NKAIN2: variants seen among roughly 807,000 people sequenced by gnomAD.
NKAIN2 encodes sodium/potassium transporting ATPase interacting 2.
NKAIN2 carries 14 observed loss-of-function variants against 32.6 expected under a neutral mutation model. The ratio of observed to expected loss-of-function variants is 0.43; its 90% CI spans 0.28 to 0.67. The LOEUF is 0.67. NKAIN2 is among the 30% of genes least tolerant of loss of function. The pLI, the probability that NKAIN2 is intolerant of heterozygous loss-of-function variation, is 0.17. For synonymous variants in NKAIN2, 80 were observed against 87.2 expected (o/e 0.92, Z 0.46); for missense variants, 198 against 258.3 (o/e 0.77, Z 1.60).
intron 1 of NKAIN2, among the ~76,000 whole-genome samples, chr6:124,036,418 G>T (rs530065148): frequency 2.2e-4 from 33 of 152,142 alleles, no homozygotes; most frequent in African/African-American, 7.7e-4. Flanking sequence ...CATTTCCATT[G>T]TAATTTCCTT....
rs777642797 is a variant in NKAIN2 at position 123,901,917 on chromosome 6, TA to T, written c.54+97672del. Among the ~76,000 whole-genome samples the T allele has an allele frequency of 1.4e-3, 210 of 151,238 alleles. No homozygotes were observed. The East Asian group carries it at 0.02, about 14-fold the overall frequency. On this transcript the variant is annotated intron_variant, in intron 1 of 6. Transcript: ENST00000368417. ...ACATGAAGACTTTAAAATGAAGACT[TA>T]AAAAAAAATGAGGCTGATACTTATT...
intron 1 of NKAIN2, among the ~76,000 whole-genome samples, chr6:123,827,503 C>T (rs952354907): frequency 4.5e-4 from 69 of 152,238 alleles, no homozygotes; most frequent in African/African-American, 1.6e-3. Flanking sequence ...AATTCAGCAT[C>T]AGCCAGTAAG....
chr6:124,729,168 A>G (rs1776511799), intron 4 of NKAIN2, among the ~76,000 whole-genome samples: 1 of 152,196 alleles, frequency 6.6e-6, no homozygotes, highest in Admixed American at 6.5e-5. Context: ...AAACTATTCC[A>G]ATCAATAGAA....
rs558784802 is a variant in NKAIN2, at chr6:123,863,323, C to T, written c.54+59069C>T. Among the ~76,000 whole-genome samples, 9 of 152,274 alleles carry T rather than the reference C, an allele frequency of 5.9e-5. No homozygotes were observed. In the East Asian group the frequency reaches 1.5e-3, roughly 26 times the overall value. On this transcript the variant is annotated intron_variant, in intron 1 of 6. Coordinates refer to ENST00000368417, the MANE Select transcript of NKAIN2 (RefSeq NM_001040214.3). ...TAATTAGGTTTATAGATAACTGTAA[C>T]AATTAATAACTTAATCTGGACTTCA... is the stretch of plus-strand genomic sequence containing the variant.
chr6:124,550,346 T>G (rs1780242825), intron 3 of NKAIN2, among the ~76,000 whole-genome samples: 1 of 152,178 alleles, frequency 6.6e-6, no homozygotes, highest in Non-Finnish European at 1.5e-5. Flanking sequence ...TTCATATGCC[T>G]TCTTTTAATT....
At chr6:123,855,262 C>T (rs1775512440) in intron 1 of NKAIN2, among the ~76,000 whole-genome samples, 1 of 152,000 alleles carries the variant, frequency 6.6e-6, no homozygotes, top group South Asian at 2.1e-4. Context: ...ATATTATTAT[C>T]CTTCTGTTGC....
chr6:124,732,190 C>T (rs1776715263), intron 4 of NKAIN2, among the ~76,000 whole-genome samples: 2 of 152,056 alleles, frequency 1.3e-5, no homozygotes, highest in Non-Finnish European at 2.9e-5. Context: ...TCCATCTTCT[C>T]CAGCCCTTCC....
At chr6:124,720,757 A>G (rs1171557601) in intron 4 of NKAIN2, among the ~76,000 whole-genome samples, 2 of 152,154 alleles carry the variant, frequency 1.3e-5, no homozygotes, top group African/African-American at 4.8e-5. Context: ...CAGAGCCCAG[A>G]GGATCCCAGG....
chr6:124,120,220 A>G (rs1356697639), intron 1 of NKAIN2, among the ~76,000 whole-genome samples: 2 of 152,198 alleles, frequency 1.3e-5, no homozygotes, highest in East Asian at 3.8e-4. Context: ...CCTATATGTC[A>G]TGACCACTTA....
rs114933550 is a variant in NKAIN2, at chr6:123,970,493, A to G, written c.54+166239A>G. Among the ~76,000 whole-genome samples the G allele has an allele frequency of 4.9e-3, 753 of 152,256 alleles. 6 individuals are homozygous for G. The highest frequency in any genetic ancestry group is 0.017 in the African/African-American group (700 of 41,548). ...GAAGAAGCCCCAGAATCAGCCTTTGACTTTGGTTCTGAACTTACTCACTTT... is the reference window on the plus strand; with the variant it reads ...GAAGAAGCCCCAGAATCAGCCTTTGGCTTTGGTTCTGAACTTACTCACTTT... On this transcript the variant is annotated intron_variant, in intron 1 of 6. Transcript: ENST00000368417.
intron 1 of NKAIN2, among the ~76,000 whole-genome samples, chr6:124,020,195 G>T (rs901397866): frequency 7.9e-5 from 12 of 151,964 alleles, no homozygotes; most frequent in Admixed American, 5.3e-4. Flanking sequence ...CTTGTTCTTT[G>T]TATTTCCAAA....
At chr6:124,589,701 T>G (rs944246471) in intron 3 of NKAIN2, among the ~76,000 whole-genome samples, 1 of 152,230 alleles carries the variant, frequency 6.6e-6, no homozygotes, top group Non-Finnish European at 1.5e-5. Context: ...GGGATACATG[T>G]GCAGAATGTG....
intron 1 of NKAIN2, among the ~76,000 whole-genome samples, chr6:123,888,306 C>A (rs1773826859): frequency 6.6e-6 from 1 of 152,090 alleles, no homozygotes; most frequent in Non-Finnish European, 1.5e-5. Flanking sequence ...TTAACATCTT[C>A]AGCTCTTACA....
chr6:124,012,256 T>G (rs1179066354), intron 1 of NKAIN2, among the ~76,000 whole-genome samples: 1 of 151,928 alleles, frequency 6.6e-6, no homozygotes, highest in African/African-American at 2.4e-5. Flanking sequence ...CTTCTACCAC[T>G]ATAGATTGAT....
chr6:124,569,773 C>G (rs1239537686), intron 3 of NKAIN2, among the ~76,000 whole-genome samples: 1 of 151,920 alleles, frequency 6.6e-6, no homozygotes, highest in Non-Finnish European at 1.5e-5. Context: ...TAAATATGGA[C>G]TAATACAGTA....
intron 3 of NKAIN2, among the ~76,000 whole-genome samples, chr6:124,611,987 G>T (rs1782707783): frequency 1.3e-5 from 2 of 149,978 alleles, no homozygotes; most frequent in Non-Finnish European, 3.0e-5. Flanking sequence ...ATTTGCAGCT[G>T]AATAAACAAA....
At chr6:124,212,136 C>T (rs1343019682) in intron 1 of NKAIN2, among the ~76,000 whole-genome samples, 1 of 152,022 alleles carries the variant, frequency 6.6e-6, no homozygotes, top group African/African-American at 2.4e-5. Context: ...TGACTTTAAA[C>T]CTAGTACAGT....
intron 3 of NKAIN2, among the ~76,000 whole-genome samples, chr6:124,597,083 T>C (rs1162143467): frequency 6.6e-6 from 1 of 152,146 alleles, no homozygotes; most frequent in Non-Finnish European, 1.5e-5. Flanking sequence ...GCAATCTACT[T>C]TATTCAGTCT....
chr6:124,479,054 A>C (rs916905775), intron 3 of NKAIN2, among the ~76,000 whole-genome samples: 1 of 152,114 alleles, frequency 6.6e-6, no homozygotes, highest in Non-Finnish European at 1.5e-5. Context: ...ACCGACAAAC[A>C]CAAATGGAGG....
Sources: gnomAD v4.1 joint callset for allele counts (sites outside exome capture counted in the v4.1 genomes callset) on GRCh38, gnomAD v4.1.1 for gene constraint, MANE v1.5 for transcripts, NCBI Gene and HGNC (gene_info 2026-07-23, HGNC 2026-07-21) for gene names.